KCTD16: variants seen among roughly 807,000 people sequenced by gnomAD.
KCTD16 encodes the protein BTB/POZ domain-containing protein KCTD16.
A neutral mutation model predicts 33.2 loss-of-function variants in KCTD16; 13 were observed. The ratio of observed to expected loss-of-function variants is 0.39; its 90% CI spans 0.25 to 0.62. KCTD16 has a LOEUF of 0.62. Among genes scored for constraint, KCTD16 ranks in the 20% least tolerant of loss-of-function variants. KCTD16 has a pLI of 0.50. For missense variants in KCTD16, 441 were observed against 525.1 expected (o/e 0.84, Z 1.57); for synonymous variants, 197 against 195.3 (o/e 1.01, Z -0.07).
intron 3 of KCTD16, among the ~76,000 whole-genome samples, chr5:144,272,554 A>G (rs1047474813): frequency 6.6e-6 from 1 of 152,232 alleles, no homozygotes; most frequent in Non-Finnish European, 1.5e-5. Flanking sequence ...GTAATACTAC[A>G]TGATTTCAAA....
chr5:144,182,762 A>AGAGAG (rs1554079221), intron 2 of KCTD16, among the ~76,000 whole-genome samples: 1 of 149,430 alleles, frequency 6.7e-6, no homozygotes, highest in African/African-American at 2.5e-5. Context: ...GAGAGAGAGA[A>AGAGAG]AGAGAGAGAG....
Position 144,477,082 on chromosome 5 carries a change from G to A in KCTD16, c.*2968G>A, listed in dbSNP as rs1754610900. The A allele has an allele frequency of 1.3e-5, 2 of 152,098 alleles. No individual in the cohort carries two copies. The highest frequency in any genetic ancestry group is 4.1e-4 in the South Asian group (2 of 4,826). 9.4% of individuals were successfully genotyped at this position (152,098 alleles called of 1,614,324 possible). A position where few individuals can be genotyped will look rare whatever the true frequency, so the allele number is the denominator to read the frequency against. On this transcript the variant is annotated 3_prime_UTR_variant, in exon 4 of 4. Coordinates refer to ENST00000512467, the MANE Select transcript of KCTD16 (RefSeq NM_020768.4). ...TTGGGAGATCATTCCCTAAAGGTATGTGGGTTGTCTGAAGTCAGAAACATA... is the reference window on the plus strand; with the variant it reads ...TTGGGAGATCATTCCCTAAAGGTATATGGGTTGTCTGAAGTCAGAAACATA...
At chr5:144,232,047 T>C (rs1754117396) in intron 3 of KCTD16, among the ~76,000 whole-genome samples, 1 of 152,180 alleles carries the variant, frequency 6.6e-6, no homozygotes, top group Non-Finnish European at 1.5e-5. Context: ...ATAAGGCCCC[T>C]TCCCATTCTA....
chr5:144,447,520 A>C (rs1361265120), intron 3 of KCTD16, among the ~76,000 whole-genome samples: 1 of 152,078 alleles, frequency 6.6e-6, no homozygotes, highest in African/African-American at 2.4e-5. Flanking sequence ...ACAAACCTGC[A>C]CGTTCCACAC....
At chr5:144,173,740 C>G (rs1752442537) in intron 1 of KCTD16, among the ~76,000 whole-genome samples, 1 of 152,112 alleles carries the variant, frequency 6.6e-6, no homozygotes. Flanking sequence ...AATTTCTGCT[C>G]CAATTGAGAA....
At chr5:144,376,121 C>T (rs1752087605) in intron 3 of KCTD16, among the ~76,000 whole-genome samples, 1 of 152,086 alleles carries the variant, frequency 6.6e-6, no homozygotes, top group Admixed American at 6.6e-5. Flanking sequence ...AAATCTTCCT[C>T]ATTCAGAGTC....
intron 3 of KCTD16, among the ~76,000 whole-genome samples, chr5:144,445,420 G>A (rs1363751807): frequency 6.6e-6 from 1 of 151,958 alleles, no homozygotes; most frequent in Non-Finnish European, 1.5e-5. Flanking sequence ...ATTCTGGCAT[G>A]AATTTATTGT....
At chr5:144,214,591 T>C (rs1176075698) in intron 3 of KCTD16, among the ~76,000 whole-genome samples, 3 of 152,216 alleles carry the variant, frequency 2.0e-5, no homozygotes, top group Admixed American at 6.5e-5. Flanking sequence ...AGTTCTTGGA[T>C]ACTTTTGTGT....
At chr5:144,365,103 T>C (rs1479343007) in intron 3 of KCTD16, among the ~76,000 whole-genome samples, 4 of 152,034 alleles carry the variant, frequency 2.6e-5, no homozygotes, top group Non-Finnish European at 4.4e-5. Flanking sequence ...AGTGAGCTTA[T>C]CTATCCTGGA....
chr5:144,447,767 C>A (rs1047949765), intron 3 of KCTD16, among the ~76,000 whole-genome samples: 1 of 151,998 alleles, frequency 6.6e-6, no homozygotes, highest in Non-Finnish European at 1.5e-5. Flanking sequence ...CACTTCCATG[C>A]TTTACAAATA....
intron 3 of KCTD16, among the ~76,000 whole-genome samples, chr5:144,447,245 A>G (rs139606104): frequency 1.3e-5 from 2 of 152,180 alleles, no homozygotes; most frequent in Non-Finnish European, 2.9e-5. Flanking sequence ...GAATGAGTTC[A>G]TGTCCTTAGC....
chr5:144,275,406 C>T (rs1049766563), intron 3 of KCTD16, among the ~76,000 whole-genome samples: 3 of 152,144 alleles, frequency 2.0e-5, no homozygotes, highest in East Asian at 1.9e-4. Flanking sequence ...TGAACAGATA[C>T]GGGAAAGCAA....
intron 3 of KCTD16, among the ~76,000 whole-genome samples, chr5:144,395,744 C>G (rs550643326): frequency 6.6e-6 from 1 of 152,258 alleles, no homozygotes; most frequent in South Asian, 2.1e-4. Context: ...CCACCATGGT[C>G]CTGATCTGGA....
intron 3 of KCTD16, among the ~76,000 whole-genome samples, chr5:144,406,666 C>T (rs978680834): frequency 2.0e-5 from 3 of 152,146 alleles, no homozygotes; most frequent in Non-Finnish European, 4.4e-5. Context: ...CTTCACAAAC[C>T]TTGGCCAACG....
chr5:144,265,823 A>G (rs575456847), intron 3 of KCTD16, among the ~76,000 whole-genome samples: 1 of 152,226 alleles, frequency 6.6e-6, no homozygotes, highest in South Asian at 2.1e-4. Flanking sequence ...TCTCATTGAG[A>G]AAACAAGCTC....
chr5:144,292,146 C>T (rs183433784), intron 3 of KCTD16, among the ~76,000 whole-genome samples: 2 of 152,320 alleles, frequency 1.3e-5, no homozygotes, highest in African/African-American at 2.4e-5. Context: ...ATATTTGGCA[C>T]AAAAATACTT....
At chr5:144,270,291 A>G (rs952593624) in intron 3 of KCTD16, among the ~76,000 whole-genome samples, 5 of 151,946 alleles carry the variant, frequency 3.3e-5, no homozygotes, top group African/African-American at 1.2e-4. Context: ...ATATGTTAGG[A>G]CACAGACTCA....
chr5:144,178,980 A>G (rs1462905571), intron 2 of KCTD16, among the ~76,000 whole-genome samples: 1 of 152,222 alleles, frequency 6.6e-6, no homozygotes, highest in Non-Finnish European at 1.5e-5. Flanking sequence ...GTGCATCAGA[A>G]AATGACCAAA....
intron 2 of KCTD16, among the ~76,000 whole-genome samples, chr5:144,189,190 G>A (rs1752788450): frequency 6.6e-6 from 1 of 152,142 alleles, no homozygotes; most frequent in Non-Finnish European, 1.5e-5. Context: ...TTGAAATTTG[G>A]ATGAACTCTT....
Sources: gnomAD v4.1 joint callset for allele counts (sites outside exome capture counted in the v4.1 genomes callset) on GRCh38, gnomAD v4.1.1 for gene constraint, MANE v1.5 for transcripts, NCBI Gene and HGNC (gene_info 2026-07-23, HGNC 2026-07-21) for gene names.